Variants in TSFM observed in about 807,000 individuals in gnomAD.
The protein encoded by TSFM is elongation factor Ts, mitochondrial.
In TSFM, 29 loss-of-function variants were observed where a neutral mutation model predicts 33.4. That is an observed-to-expected ratio of 0.87 (90% CI 0.65 to 1.18). The LOEUF is 1.18. Ranked by LOEUF, TSFM falls within the 50% of genes most tolerant of loss-of-function variation. The pLI is 0.00. For missense variants in TSFM, 394 were observed against 395.6 expected, an observed-to-expected ratio of 1.00 and a Z score of 0.04; for synonymous variants, 178 against 163.5, an observed-to-expected ratio of 1.09 and a Z score of -0.68.
intron 2 of TSFM, 90 bp downstream of exon 2, chr12:57,783,373 C>A: frequency 6.8e-7 from 1 of 1,471,484 alleles, no homozygotes; most frequent in Non-Finnish European, 9.5e-7. Context: ...AGTTAGACTG[C>A]TCTTCAGTGA....
At chr12:57,790,845 C>A (rs894493549) in intron 4 of TSFM, among the ~76,000 whole-genome samples, 3 of 149,918 alleles carry the variant, frequency 2.0e-5, no homozygotes, top group African/African-American at 7.4e-5. Context: ...AATTCCAGCA[C>A]TTCGGGGTTT....
intron 4 of TSFM, among the ~76,000 whole-genome samples, chr12:57,791,796 G>A (rs950910880): frequency 2.0e-5 from 3 of 152,174 alleles, no homozygotes; most frequent in African/African-American, 7.2e-5. Flanking sequence ...TATCATCAAG[G>A]TGAATTCATA....
intron 2 of TSFM, among the ~76,000 whole-genome samples, chr12:57,785,402 T>C (rs562332058): frequency 1.8e-4 from 27 of 152,310 alleles, no homozygotes; most frequent in African/African-American, 6.0e-4. Flanking sequence ...TCTCCTATGA[T>C]AACAATGTTT....
intron 5 of TSFM, among the ~76,000 whole-genome samples, chr12:57,795,971 T>A (rs1183817255): frequency 1.3e-5 from 2 of 152,150 alleles, no homozygotes; most frequent in Non-Finnish European, 2.9e-5. Context: ...AAGGTATTCT[T>A]CACTTCCCCC....
chr12:57,800,128 A>G (rs771380785), downstream of TSFM: 63 of 613,390 alleles, frequency 1.0e-4, no homozygotes, highest in Non-Finnish European at 1.5e-4. Flanking sequence ...TTCTTGGGAA[A>G]GCTGATTCAG....
chr12:57,787,683 C>A (rs1955608018), intron 4 of TSFM, among the ~76,000 whole-genome samples: 1 of 152,084 alleles, frequency 6.6e-6, no homozygotes, highest in African/African-American at 2.4e-5. Flanking sequence ...AATCCCAGCA[C>A]TTTGGGAGGC....
rs1402251471 is a variant in TSFM at position 57,786,311 on chromosome 12, A to G, written c.360+20A>G. On this transcript the variant is annotated intron_variant, in intron 3 of 5. Transcript: ENST00000652027. ...GTAGAGGTGAGTTGTTGGAAATTCC[A>G]GATACCAAGAACAGCTGTCCCTTGG... 2.5e-6 allele frequency: 4 copies of G among 1,606,048 alleles called. No individual in the cohort carries two copies. In the African/African-American group the frequency reaches 4.0e-5, roughly 16 times the overall value.
downstream of TSFM, chr12:57,802,430 C>T: frequency 6.8e-7 from 1 of 1,470,970 alleles, no homozygotes; most frequent in Non-Finnish European, 9.3e-7. Context: ...CCCTATCTTT[C>T]CCCTTTCTTT....
At chr12:57,789,409 G>C (rs1297993578) in intron 4 of TSFM, among the ~76,000 whole-genome samples, 2 of 151,934 alleles carry the variant, frequency 1.3e-5, no homozygotes. Context: ...TTTTCTTTGA[G>C]ACGGAGTGCA....
At chr12:57,786,141 T>C in intron 2 of TSFM, 22 bp from the exon 3 acceptor site, 1 of 1,589,906 alleles carries the variant, frequency 6.3e-7, no homozygotes, top group Non-Finnish European at 8.6e-7. Flanking sequence ...TGTTGTCTGC[T>C]CTTTTTCCTC....
At chr12:57,797,893 C>T (rs201808188), downstream of TSFM, 13 of 1,611,782 alleles carry the variant, frequency 8.1e-6, no homozygotes, top group East Asian at 1.6e-4. Flanking sequence ...TAGAAAAGCC[C>T]CTTTTCTTTC....
chr12:57,787,237 A>G, intron 4 of TSFM, 75 bp downstream of exon 4: 1 of 1,399,608 alleles, frequency 7.1e-7, no homozygotes, highest in Non-Finnish European at 9.8e-7. Context: ...TATTGTAGAC[A>G]TTCTCATGTC....
chr12:57,786,972 C>T, intron 3 of TSFM, 68 bp from the exon 4 acceptor site: 2 of 1,522,664 alleles, frequency 1.3e-6, no homozygotes, highest in Non-Finnish European at 1.8e-6. Flanking sequence ...ATTTATTCTC[C>T]AGCCTTAAGG....
At chr12:57,786,141 T>G in intron 2 of TSFM, 22 bp from the exon 3 acceptor site, 1 of 1,589,906 alleles carries the variant, frequency 6.3e-7, no homozygotes, top group South Asian at 1.1e-5. Flanking sequence ...TGTTGTCTGC[T>G]CTTTTTCCTC....
chr12:57,790,770 T>A (rs140706916), intron 4 of TSFM, among the ~76,000 whole-genome samples: 5 of 152,176 alleles, frequency 3.3e-5, no homozygotes, highest in East Asian at 1.9e-4. Flanking sequence ...GATTTAATTT[T>A]ATTTTAATTT....
At chr12:57,792,849 C>T in intron 4 of TSFM, 137 bp from the exon 5 acceptor site, 1 of 742,682 alleles carries the variant, frequency 1.3e-6, no homozygotes, top group Non-Finnish European at 2.1e-6. Context: ...ACCTTGGCTT[C>T]CCAAAGTGTT....
chr12:57,797,407 G>A lies in TSFM; in HGVS notation c.*824G>A. 2 of 985,396 alleles carry A rather than the reference G, an allele frequency of 2.0e-6. No individual in the cohort carries two copies. The highest frequency in any genetic ancestry group is 2.4e-6 in the Non-Finnish European group (2 of 829,934). The allele number at this position is 985,396 out of a possible 1,614,324, so 61.0% of individuals were successfully genotyped here. On this transcript the variant is annotated 3_prime_UTR_variant, in exon 6 of 6. Coordinates refer to ENST00000652027, the MANE Select transcript of TSFM (RefSeq NM_005726.6). ...CATTATAGGTATCTTTATTTGAAAA[G>A]TGAAAAATGCTTTGACACATTACAG...
chr12:57,783,378 C>T (rs1955540744), intron 2 of TSFM, 95 bp downstream of exon 2: 11 of 1,439,382 alleles, frequency 7.6e-6, no homozygotes, highest in African/African-American at 2.8e-5. Flanking sequence ...GACTGCTCTT[C>T]AGTGACCATA....
intron 4 of TSFM, among the ~76,000 whole-genome samples, chr12:57,790,406 G>A (rs1308715301): frequency 1.3e-5 from 2 of 152,086 alleles, no homozygotes; most frequent in African/African-American, 4.8e-5. Context: ...TTTGTTCTTC[G>A]AGCAGACAGT....
Sources: allele counts gnomAD v4.1 joint callset (sites outside exome capture counted in the v4.1 genomes callset), GRCh38; gene constraint gnomAD v4.1.1; transcripts MANE v1.5; gene names NCBI Gene and HGNC (gene_info 2026-07-23, HGNC 2026-07-21).